ZFYVE9: variants seen among roughly 807,000 people sequenced by gnomAD.
ZFYVE9 encodes zinc finger FYVE-type containing 9.
ZFYVE9 carries 43 observed loss-of-function variants against 126.7 expected under a neutral mutation model. The observed-to-expected ratio is 0.34, with a 90% confidence interval of 0.27 to 0.44. ZFYVE9 has a LOEUF of 0.44. ZFYVE9 is among the 20% of genes least tolerant of loss of function. The probability of loss-of-function intolerance (pLI) is 1.00; values close to 1 mark genes in which losing one functional copy is unlikely to be tolerated. For missense variants in ZFYVE9, 1,476 were observed against 1,697.0 expected, an observed-to-expected ratio of 0.87 and a Z score of 2.29; for synonymous variants, 521 against 597.4, an observed-to-expected ratio of 0.87 and a Z score of 1.87.
At chr1:52,231,711 C>T (rs1645223383) in intron 2 of ZFYVE9, among the ~76,000 whole-genome samples, 1 of 151,900 alleles carries the variant, frequency 6.6e-6, no homozygotes, top group South Asian at 2.1e-4. Flanking sequence ...GCAACCTCCA[C>T]CTCCCGGGTT....
intron 4 of ZFYVE9, among the ~76,000 whole-genome samples, chr1:52,249,723 T>C (rs1645425451): frequency 6.6e-6 from 1 of 152,234 alleles, no homozygotes. Context: ...GTCTTTCCCT[T>C]ATGTTGTCTT....
At position 52,239,401 on chromosome 1, in the gene ZFYVE9, C is replaced by T; in HGVS notation, c.1984C>T (p.Leu662Phe). Residue 662 changes from leucine to phenylalanine, a missense_variant, in exon 4 of 19, where the codon CTT becomes TTT. Physicochemically the swap from Leu to Phe is conservative, Grantham distance 22. Coordinates refer to ENST00000287727, the MANE Select transcript of ZFYVE9 (RefSeq NM_004799.4). ...GGCTGAGATCTCCACTAGACCATGC[C>T]TTGCATTAGCTCCAGATAGCCCAGA... Reference protein sequence around the residue: ...YEAEISTRPCLALAPDSPDND... With the variant: ...YEAEISTRPCFALAPDSPDND... 6.2e-7 allele frequency: 1 copy of T among 1,614,142 alleles called. No homozygotes were observed. Among genetic ancestry groups the T allele is most frequent in the Non-Finnish European group, 8.5e-7 (1 of 1,180,010 alleles).
intron 2 of ZFYVE9, among the ~76,000 whole-genome samples, chr1:52,230,542 G>C (rs965015165): frequency 6.7e-6 from 1 of 148,428 alleles, no homozygotes; most frequent in Admixed American, 6.7e-5. Context: ...AAAAAAAAAA[G>C]AATCAGTTGG....
intron 10 of ZFYVE9, among the ~76,000 whole-genome samples, chr1:52,289,851 T>C (rs572775023): frequency 3.7e-4 from 56 of 152,284 alleles, no homozygotes; most frequent in African/African-American, 1.3e-3. Context: ...GAAGAATCTG[T>C]GATTGGGATG....
intron 1 of ZFYVE9, among the ~76,000 whole-genome samples, chr1:52,184,883 G>A (rs930883038): frequency 2.0e-5 from 3 of 152,044 alleles, no homozygotes; most frequent in African/African-American, 4.8e-5. Flanking sequence ...GACTGGGCAC[G>A]GTGGCTCATG....
chr1:52,329,138 C>T (rs1165425361), intron 13 of ZFYVE9, among the ~76,000 whole-genome samples: 1 of 152,084 alleles, frequency 6.6e-6, no homozygotes, highest in Non-Finnish European at 1.5e-5. Context: ...AAGTGATCTA[C>T]AAATGATTCA....
At chr1:52,261,367 A>G (rs1295497258) in intron 4 of ZFYVE9, among the ~76,000 whole-genome samples, 2 of 151,426 alleles carry the variant, frequency 1.3e-5, no homozygotes, top group African/African-American at 4.9e-5. Context: ...CCTCCCATGT[A>G]GCTGGGACAA....
intron 15 of ZFYVE9, 31 bp downstream of exon 15, chr1:52,334,799 A>G: frequency 1.3e-6 from 2 of 1,590,832 alleles, no homozygotes; most frequent in Non-Finnish European, 1.7e-6. Context: ...TCCTCATAAT[A>G]AGGACTGAAC....
chr1:52,275,750 C>T (rs1192633103), intron 8 of ZFYVE9, among the ~76,000 whole-genome samples: 1 of 152,078 alleles, frequency 6.6e-6, no homozygotes, highest in African/African-American at 2.4e-5. Flanking sequence ...TTTAACTGGT[C>T]TCCTTGCCTT....
intron 1 of ZFYVE9, chr1:52,162,837 G>A (rs1644475639): frequency 2.5e-6 from 1 of 404,524 alleles, no homozygotes; most frequent in South Asian, 3.4e-5. Flanking sequence ...GTGTAACGTC[G>A]ATGAGAATGC....
intron 13 of ZFYVE9, among the ~76,000 whole-genome samples, chr1:52,311,246 A>G (rs1646134229): frequency 6.7e-6 from 1 of 149,334 alleles, no homozygotes; most frequent in Non-Finnish European, 1.5e-5. Flanking sequence ...TTAGAATCAA[A>G]TAGACCTTGG....
intron 1 of ZFYVE9, chr1:52,180,450 A>G: frequency 8.1e-7 from 1 of 1,228,602 alleles, no homozygotes; most frequent in Non-Finnish European, 1.2e-6. Flanking sequence ...AGCAATTAAG[A>G]GGGACCTGGA....
chr1:52,184,835 G>A (rs944117233), intron 1 of ZFYVE9, among the ~76,000 whole-genome samples: 16 of 151,914 alleles, frequency 1.1e-4, no homozygotes, highest in Non-Finnish European at 2.4e-4. Context: ...GACCAGCCTG[G>A]ACAACATAGC....
At chr1:52,229,477 T>G (rs1645197851) in intron 2 of ZFYVE9, among the ~76,000 whole-genome samples, 1 of 152,256 alleles carries the variant, frequency 6.6e-6, no homozygotes, top group African/African-American at 2.4e-5. Context: ...TGTGAATAGT[T>G]TCTTCCCCAA....
intron 1 of ZFYVE9, among the ~76,000 whole-genome samples, chr1:52,182,109 C>T (rs997600770): frequency 6.6e-6 from 1 of 151,654 alleles, no homozygotes; most frequent in African/African-American, 2.4e-5. Context: ...GGGTCAGCCC[C>T]CCGTCCAGGA....
At chr1:52,287,153 G>A (rs1252162357) in intron 10 of ZFYVE9, among the ~76,000 whole-genome samples, 2 of 151,956 alleles carry the variant, frequency 1.3e-5, no homozygotes, top group South Asian at 2.1e-4. Flanking sequence ...GCAGTGTTGC[G>A]ATCTTGGCAC....
intron 1 of ZFYVE9, among the ~76,000 whole-genome samples, chr1:52,204,439 A>G (rs1644954343): frequency 6.6e-6 from 1 of 152,000 alleles, no homozygotes; most frequent in Non-Finnish European, 1.5e-5. Context: ...TAAGAATAGA[A>G]TGCTCTTAGG....
intron 13 of ZFYVE9, among the ~76,000 whole-genome samples, chr1:52,328,935 A>G (rs1646315408): frequency 1.3e-5 from 2 of 152,186 alleles, no homozygotes; most frequent in South Asian, 4.1e-4. Flanking sequence ...GTTATAATAA[A>G]GTAAAGCCAA....
chr1:52,334,080 G>C (rs576173059), intron 14 of ZFYVE9, among the ~76,000 whole-genome samples: 1 of 147,260 alleles, frequency 6.8e-6, no homozygotes, highest in South Asian at 2.1e-4. Flanking sequence ...GTGACAGAGC[G>C]AGACTCCGTC....
Sources: allele counts gnomAD v4.1 joint callset (sites outside exome capture counted in the v4.1 genomes callset), GRCh38; gene constraint gnomAD v4.1.1; transcripts MANE v1.5; gene names NCBI Gene and HGNC (gene_info 2026-07-23, HGNC 2026-07-21).